Variants in CELSR1 observed in about 807,000 individuals in gnomAD.
The protein encoded by CELSR1 is adhesion G protein-coupled receptor C1.
CELSR1 carries 110 observed loss-of-function variants against 249.1 expected under a neutral mutation model. That is an observed-to-expected ratio of 0.44 (90% CI 0.38 to 0.52). The LOEUF (loss-of-function observed/expected upper bound fraction) is 0.52, where lower values mean the gene tolerates loss of function less well. CELSR1 is among the 20% of genes least tolerant of loss of function. The probability of loss-of-function intolerance (pLI) is 0.00; values close to 1 mark genes in which losing one functional copy is unlikely to be tolerated. For missense variants in CELSR1, 4,109 were observed against 4,296.4 expected, an observed-to-expected ratio of 0.96 and a Z score of 1.22; for synonymous variants, 2,113 against 1,900.0, an observed-to-expected ratio of 1.11 and a Z score of -2.92.
intron 5 of CELSR1, among the ~76,000 whole-genome samples, chr22:46,431,415 C>T (rs1320778397): frequency 2.6e-5 from 4 of 152,204 alleles, no homozygotes; most frequent in Admixed American, 6.5e-5. Flanking sequence ...AAGGCTGACT[C>T]GACCTCCCCC....
chr22:46,363,389 C>T lies in CELSR1; in HGVS notation c.9036-142G>A. 3 of 664,214 alleles carry T rather than the reference C, an allele frequency of 4.5e-6. No individual in the cohort carries two copies. Among genetic ancestry groups the T allele is most frequent in the Admixed American group, 5.1e-5 (2 of 39,038 alleles). 41.1% of individuals were successfully genotyped at this position (664,214 alleles called of 1,614,324 possible). On this transcript the variant is annotated intron_variant, in intron 34 of 34. Transcript: ENST00000674500. The surrounding 1 kb of genome is among the most constrained non-coding windows in gnomAD (Gnocchi z 4.3). ...CTGGGGGCTCCAGGGAGGGCAAGCT[C>T]ATGTTGGATGAGGCTGCCCTTGGGA...
chr22:46,369,642 G>A (rs1300015811), intron 26 of CELSR1, 50 bp downstream of exon 26: 6 of 1,547,376 alleles, frequency 3.9e-6, no homozygotes, highest in Non-Finnish European at 5.3e-6. Flanking sequence ...AGCCCTTCCA[G>A]CTCATGCATG....
In CELSR1 at chr22:46,402,919, A is replaced by AG. The variant is rs1341903741; in HGVS notation, c.5227-3018dup. On this transcript the variant is annotated intron_variant, in intron 9 of 34. Transcript: ENST00000674500. The surrounding 1 kb of genome is among the most constrained non-coding windows in gnomAD (Gnocchi z 5.0). Reference sequence around the variant, plus strand: ...CTGCTTATATTATACCTGAAATATAAGGATACAGAAAATGTTGAAAGTAAA... The same window carrying AG: ...CTGCTTATATTATACCTGAAATATAAGGGATACAGAAAATGTTGAAAGTAAA... Among the ~76,000 whole-genome samples, 3 of 152,228 alleles carry AG rather than the reference A, an allele frequency of 2.0e-5. No homozygotes were observed. Among genetic ancestry groups the AG allele is most frequent in the Non-Finnish European group, 4.4e-5 (3 of 68,042 alleles).
At position 46,380,040 on chromosome 22, in the gene CELSR1, T is replaced by A. The variant is rs2147213091; in HGVS notation, c.7256+748A>T. On this transcript the variant is annotated intron_variant, in intron 22 of 34. Coordinates refer to ENST00000674500, the MANE Select transcript of CELSR1 (RefSeq NM_001378328.1). This position sits in a 1 kb window ranked among gnomAD's most constrained non-coding sequence, Gnocchi z 5.1. Reference sequence around the variant, plus strand: ...GCAACTCAAATGTCCACACCTCACGTGAACTCTGCAGCTAAAAAGCAAAAC... The same window carrying A: ...GCAACTCAAATGTCCACACCTCACGAGAACTCTGCAGCTAAAAAGCAAAAC... 6.6e-6 allele frequency among the ~76,000 whole-genome samples: 1 copy of A among 152,284 alleles called. No individual in the cohort carries two copies. The highest frequency in any genetic ancestry group is 1.9e-4 in the East Asian group (1 of 5,184).
At chr22:46,366,896 A>T (rs2078789666) in intron 29 of CELSR1, 97 bp downstream of exon 29, 21 of 1,463,202 alleles carry the variant, frequency 1.4e-5, no homozygotes, top group African/African-American at 1.4e-5. Flanking sequence ...TGAGGGGCAT[A>T]CGGGCCGCAG....
At position 46,446,111 on chromosome 22, in the gene CELSR1, C is replaced by T. The variant is rs12158821; in HGVS notation, c.4184-6700G>A. On this transcript the variant is annotated intron_variant, in intron 2 of 34. Transcript: ENST00000674500. The surrounding 1 kb of genome is among the most constrained non-coding windows in gnomAD (Gnocchi z 5.5). ...CAGCCTAAGGGGTCCCAGGGCCCAG[C>T]CCCCAGCCACACACCCAGCCCCCTC... Among the ~76,000 whole-genome samples, 6,298 of 152,250 alleles carry T rather than the reference C, an allele frequency of 0.041. 446 individuals are homozygous for T. Among genetic ancestry groups the T allele is most frequent in the African/African-American group, 0.14 (5,855 of 41,526 alleles).
chr22:46,425,820 G>A (rs1311875848), intron 5 of CELSR1, among the ~76,000 whole-genome samples: 1 of 151,880 alleles, frequency 6.6e-6, no homozygotes, highest in Non-Finnish European at 1.5e-5. Context: ...GCTGGCTTTG[G>A]GTTTATTTTG....
At chr22:46,458,707 G>C in intron 2 of CELSR1, among the ~76,000 whole-genome samples, 1 of 152,166 alleles carries the variant, frequency 6.6e-6, no homozygotes, top group East Asian at 1.9e-4. Context: ...TCTCACAAGA[G>C]ATCCCCAAGT....
rs941032363 is a variant in CELSR1, at chr22:46,428,346, G to A, written c.4611+5047C>T. ...TCTAGCCACCCGTGGCCAGCATGGCGATCGCGACCAGCACAGCATCGTCCC... is the reference window on the plus strand; with the variant it reads ...TCTAGCCACCCGTGGCCAGCATGGCAATCGCGACCAGCACAGCATCGTCCC... On this transcript the variant is annotated intron_variant, in intron 5 of 34. Transcript: ENST00000674500. This position sits in a 1 kb window ranked among gnomAD's most constrained non-coding sequence, Gnocchi z 5.7. Among the ~76,000 whole-genome samples, 6 of 152,330 alleles carry A rather than the reference G, an allele frequency of 3.9e-5. No individual in the cohort carries two copies. Among genetic ancestry groups the A allele is most frequent in the Middle Eastern group, 3.4e-3 (1 of 294 alleles).
chr22:46,516,360 A>G (rs1037837103), intron 1 of CELSR1, among the ~76,000 whole-genome samples: 47 of 152,272 alleles, frequency 3.1e-4, no homozygotes, highest in African/African-American at 1.1e-3. Context: ...CGCAAGGACA[A>G]AAAACCAAAC....
At chr22:46,383,647 C>T (rs2079002365) in intron 20 of CELSR1, among the ~76,000 whole-genome samples, 1 of 152,236 alleles carries the variant, frequency 6.6e-6, no homozygotes, top group East Asian at 1.9e-4. Flanking sequence ...CCGCCTCAGC[C>T]TCCTGAGTAG....
At chr22:46,370,848 T>C (rs1195268409) in intron 25 of CELSR1, among the ~76,000 whole-genome samples, 1 of 152,212 alleles carries the variant, frequency 6.6e-6, no homozygotes, top group Non-Finnish European at 1.5e-5. Flanking sequence ...CCGGGAGTTA[T>C]TTTAAGATCT....
At chr22:46,397,209 T>C (rs1190159769) in intron 12 of CELSR1, among the ~76,000 whole-genome samples, 1 of 150,818 alleles carries the variant, frequency 6.6e-6, no homozygotes, top group East Asian at 2.0e-4. Context: ...GCTCAAGTGA[T>C]CCTCCCACCT....
chr22:46,393,633 G>C lies in CELSR1; in HGVS notation c.5964+509C>G, dbSNP rs964450211. On this transcript the variant is annotated intron_variant, in intron 14 of 34. Coordinates refer to ENST00000674500, the MANE Select transcript of CELSR1 (RefSeq NM_001378328.1). The surrounding 1 kb of genome is among the most constrained non-coding windows in gnomAD (Gnocchi z 4.1). ...GGCGCCTATAATCCCAGCTACTCAGGAGGCTGAGGCAGAAGAATTGCTGGA... is the reference window on the plus strand; with the variant it reads ...GGCGCCTATAATCCCAGCTACTCAGCAGGCTGAGGCAGAAGAATTGCTGGA... 1.3e-5 allele frequency among the ~76,000 whole-genome samples: 2 copies of C among 152,028 alleles called. No individual in the cohort carries two copies. Among genetic ancestry groups the C allele is most frequent in the African/African-American group, 4.8e-5 (2 of 41,384 alleles).
chr22:46,527,458 A>G lies in CELSR1; in HGVS notation c.3544+6169T>C, dbSNP rs1301042669. On this transcript the variant is annotated intron_variant, in intron 1 of 34. Transcript: ENST00000674500. This position sits in a 1 kb window ranked among gnomAD's most constrained non-coding sequence, Gnocchi z 5.5. ...GGTCTCCCTGCCCATCACACACTGCACACGTCCAGGGGGGTAGAGAAGAGT... is the reference window on the plus strand; with the variant it reads ...GGTCTCCCTGCCCATCACACACTGCGCACGTCCAGGGGGGTAGAGAAGAGT... 6.6e-6 allele frequency among the ~76,000 whole-genome samples: 1 copy of G among 152,062 alleles called. No individual in the cohort carries two copies. Among genetic ancestry groups the G allele is most frequent in the African/African-American group, 2.4e-5 (1 of 41,400 alleles).
At position 46,364,539 on chromosome 22, in the gene CELSR1, T is replaced by G; in HGVS notation, c.8752A>C (p.Ser2918Arg). The stretch of plus-strand genomic sequence containing the variant: ...TTCCTCTGCTCTGGGGGCTGGCTGC[T>G]AGCAAGCCTGGCTGCGCCCCCGCTC... ...QESGGAARLA[S>R]SQPPEQRKGI... Residue 2918 changes from serine (S) to arginine (R), a missense_variant, in exon 33 of 35, where the codon AGC becomes CGC. By Grantham distance (110) the Ser-to-Arg change is moderately radical. Around this residue, in one of 7 missense-constraint regions of CELSR1, gnomAD observed 1,805 missense variants for 1,831.6 expected, o/e 0.99. Transcript: ENST00000674500. 6.2e-7 allele frequency: 1 copy of G among 1,611,616 alleles called. No homozygotes were observed. The highest frequency in any genetic ancestry group is 8.5e-7 in the Non-Finnish European group (1 of 1,179,718).
intron 1 of CELSR1, among the ~76,000 whole-genome samples, chr22:46,510,139 C>T (rs2147763032): frequency 6.6e-6 from 1 of 152,374 alleles, no homozygotes; most frequent in Middle Eastern, 3.4e-3. Context: ...CCACGTGGCA[C>T]CCTCTGCGTC....
chr22:46,364,937 G>A (rs1245661019), intron 32 of CELSR1, among the ~76,000 whole-genome samples: 2 of 152,344 alleles, frequency 1.3e-5, no homozygotes, highest in South Asian at 2.1e-4. Context: ...CGCCGCATCT[G>A]TACCAGTAAC....
rs111683584 is a variant in CELSR1 at position 46,485,177 on chromosome 22, T to C, written c.3545-20832A>G. Among the ~76,000 whole-genome samples, 1,276 of 151,940 alleles carry C rather than the reference T, an allele frequency of 8.4e-3. 14 individuals are homozygous for C. Among genetic ancestry groups the C allele is most frequent in the African/African-American group, 0.029 (1,220 of 41,408 alleles). ...TTTTGTCTTGATTGCAGCTTCGAGG[T>C]TTTTCTGTAGTTGAGTATTTTAATT... On this transcript the variant is annotated intron_variant, in intron 1 of 34. Coordinates refer to ENST00000674500, the MANE Select transcript of CELSR1 (RefSeq NM_001378328.1).
Sources: allele counts gnomAD v4.1 joint callset (sites outside exome capture counted in the v4.1 genomes callset), GRCh38; gene constraint gnomAD v4.1.1; regional missense constraint gnomAD v4.1.1; non-coding constraint Gnocchi (gnomAD v3.1); transcripts MANE v1.5; gene names NCBI Gene and HGNC (gene_info 2026-07-23, HGNC 2026-07-21).